The following ITGA11 variants were observed in gnomAD, a reference collection of about 807,000 sequenced individuals.
ITGA11 encodes the protein integrin alpha-11.
A neutral mutation model predicts 141.9 loss-of-function variants in ITGA11; 97 were observed. The ratio of observed to expected loss-of-function variants is 0.68; its 90% confidence interval spans 0.58 to 0.81. ITGA11 has a LOEUF of 0.81. Ranked by LOEUF, ITGA11 falls within the 30% of genes least tolerant of loss-of-function variation. The probability of loss-of-function intolerance (pLI) is 0.00; values close to 1 mark genes in which losing one functional copy is unlikely to be tolerated. For synonymous variants in ITGA11, 658 were observed against 624.6 expected (o/e 1.05, Z -0.80); for missense variants, 1,387 against 1,559.2 (o/e 0.89, Z 1.86).
In ITGA11 at chr15:68,325,958, A is replaced by G. The variant is rs1893960435; in HGVS notation, c.2211+696T>C. On this transcript the variant is annotated intron_variant, in intron 17 of 29. Transcript: ENST00000315757. The surrounding 1 kb of genome is among the most constrained non-coding windows in gnomAD (Gnocchi z 5.5). Reference sequence around the variant, plus strand: ...CCCAGCCCCAGCCCCAGAGTTTCTGAGTCAGAACAAGTGAATTTCCAAGTT... The same window carrying G: ...CCCAGCCCCAGCCCCAGAGTTTCTGGGTCAGAACAAGTGAATTTCCAAGTT... 6.6e-6 allele frequency among the ~76,000 whole-genome samples: 1 copy of G among 152,190 alleles called. No individual in the cohort carries two copies. Among genetic ancestry groups the G allele is most frequent in the Non-Finnish European group, 1.5e-5 (1 of 68,010 alleles).
rs559706571 is a variant in ITGA11 at position 68,429,458 on chromosome 15, A to G, written c.52+2557T>C. ...CAATGGATCTCTCTCTTTGGACTTG[A>G]TTACTTTTTTTTTAGGCTTTCCTGT... On this transcript the variant is annotated intron_variant, in intron 1 of 29. Transcript: ENST00000315757. Among the ~76,000 whole-genome samples the G allele has an allele frequency of 1.2e-4, 19 of 152,180 alleles. No individual in the cohort carries two copies. In the South Asian group the frequency reaches 3.3e-3, roughly 27 times the overall value.
At chr15:68,331,228 GCTTCCC>G in intron 14 of ITGA11, 117 bp from the exon 15 acceptor site, 1 of 933,206 alleles carries the variant, frequency 1.1e-6, no homozygotes, top group Non-Finnish European at 1.6e-6. Context: ...CCACCAAGAA[GCTTCCC>G]CAACCCAAAG....
In ITGA11 at chr15:68,308,010, A is replaced by C. The variant is rs4777033; in HGVS notation, c.3175-314T>G. 3.3e-5 allele frequency among the ~76,000 whole-genome samples: 5 copies of C among 152,024 alleles called. No individual in the cohort carries two copies. The highest frequency in any genetic ancestry group is 3.3e-4 in the Admixed American group (5 of 15,266). ...CCTATCACCATATAAACACATTAAG[A>C]TAAAAAATTCTATGATCGCTGCAAC... On this transcript the variant is annotated intron_variant, in intron 26 of 29. Coordinates refer to ENST00000315757, the MANE Select transcript of ITGA11 (RefSeq NM_001004439.2). This position sits in a 1 kb window ranked among gnomAD's most constrained non-coding sequence, Gnocchi z 5.2.
intron 2 of ITGA11, among the ~76,000 whole-genome samples, chr15:68,376,354 C>T (rs1164076915): frequency 6.6e-6 from 1 of 152,202 alleles, no homozygotes; most frequent in East Asian, 1.9e-4. Flanking sequence ...CACCCCCTCT[C>T]TCACCAACTT....
At chr15:68,357,079 T>A in intron 7 of ITGA11, 72 bp downstream of exon 7, 1 of 1,399,472 alleles carries the variant, frequency 7.1e-7, no homozygotes, top group Non-Finnish European at 9.8e-7. Context: ...TGGTAGTGTG[T>A]TACAAGGCAA....
rs930554327 is a variant in ITGA11 at position 68,308,517 on chromosome 15, G to A, written c.3175-821C>T. On this transcript the variant is annotated intron_variant, in intron 26 of 29. Coordinates refer to ENST00000315757, the MANE Select transcript of ITGA11 (RefSeq NM_001004439.2). This position sits in a 1 kb window ranked among gnomAD's most constrained non-coding sequence, Gnocchi z 5.2. The stretch of plus-strand genomic sequence containing the variant: ...AGCACTTTGGGAGGCCAAGGCAGGC[G>A]GATCACAAGGTCAGGAGATCGAGAC... 9.9e-5 allele frequency among the ~76,000 whole-genome samples: 15 copies of A among 152,088 alleles called. No homozygotes were observed. The highest frequency in any genetic ancestry group is 2.9e-4 in the African/African-American group (12 of 41,398).
chr15:68,427,406 C>T (rs2140444910), intron 1 of ITGA11, among the ~76,000 whole-genome samples: 1 of 152,274 alleles, frequency 6.6e-6, no homozygotes, highest in East Asian at 1.9e-4. Context: ...GGCCTGGGGG[C>T]TTATCCCAGA....
intron 20 of ITGA11, among the ~76,000 whole-genome samples, chr15:68,318,808 G>A (rs1406557529): frequency 6.6e-6 from 1 of 152,158 alleles, no homozygotes; most frequent in Non-Finnish European, 1.5e-5. Flanking sequence ...GTCTTGCCTG[G>A]CACACTGGGT....
Position 68,304,873 on chromosome 15 carries a change from TG to T in ITGA11, c.3382-989del, listed in dbSNP as rs1406220331. Among the ~76,000 whole-genome samples, 12 of 152,370 alleles carry T rather than the reference TG, an allele frequency of 7.9e-5. No individual in the cohort carries two copies. The highest frequency in any genetic ancestry group is 2.9e-4 in the African/African-American group (12 of 41,592). On this transcript the variant is annotated intron_variant, in intron 28 of 29. Coordinates refer to ENST00000315757, the MANE Select transcript of ITGA11 (RefSeq NM_001004439.2). The surrounding 1 kb of genome is among the most constrained non-coding windows in gnomAD (Gnocchi z 6.1). ...CATTCTACCTTGGAAACACCTGGAA[TG>T]TGGCCACCACTCCCACCTCCTGGGC...
Position 68,346,713 on chromosome 15 carries a change from G to A in ITGA11, c.1131+2117C>T, listed in dbSNP as rs78693301. ...CTGTTCTCCTGCTTACTGCCACCCA[G>A]GACTGCTGAAATCCGTGTCCTTTAG... On this transcript the variant is annotated intron_variant, in intron 10 of 29. Transcript: ENST00000315757. Among the ~76,000 whole-genome samples the A allele has an allele frequency of 4.8e-4, 73 of 152,270 alleles. 3 individuals carry two copies. In the East Asian group the frequency reaches 0.014, roughly 29 times the overall value.
intron 3 of ITGA11, 108 bp from the exon 4 acceptor site, chr15:68,364,906 C>A: frequency 9.5e-7 from 1 of 1,051,036 alleles, no homozygotes; most frequent in Non-Finnish European, 1.4e-6. Flanking sequence ...CTCCCTGACC[C>A]TGGGGACCTC....
intron 2 of ITGA11, among the ~76,000 whole-genome samples, chr15:68,399,325 T>C (rs1439553379): frequency 6.6e-6 from 1 of 152,022 alleles, no homozygotes; most frequent in Non-Finnish European, 1.5e-5. Flanking sequence ...AGAGTAACAG[T>C]TGTTGGCAAG....
At chr15:68,306,010 C>A (rs1361849019) in intron 28 of ITGA11, among the ~76,000 whole-genome samples, 1 of 145,122 alleles carries the variant, frequency 6.9e-6, no homozygotes, top group Admixed American at 6.8e-5. Context: ...CACAGTGAAA[C>A]CCTGTCTCTA....
chr15:68,380,159 C>G (rs1452204446), intron 2 of ITGA11, among the ~76,000 whole-genome samples: 1 of 152,198 alleles, frequency 6.6e-6, no homozygotes, highest in African/African-American at 2.4e-5. Flanking sequence ...TGAGGCACAA[C>G]TGGTACCCTC....
In ITGA11 at chr15:68,355,047, C is replaced by T. The variant is rs183855571; in HGVS notation, c.749+2104G>A. ...TTCAAACTACCTGGTGAGTCACACA[C>T]GGATAACTGAGCAGGGGTTGGTGGG... is the stretch of plus-strand genomic sequence containing the variant. On this transcript the variant is annotated intron_variant, in intron 7 of 29. Coordinates refer to ENST00000315757, the MANE Select transcript of ITGA11 (RefSeq NM_001004439.2). Among the ~76,000 whole-genome samples, 421 of 152,242 alleles carry T rather than the reference C, an allele frequency of 2.8e-3. 3 individuals are homozygous for T. Among genetic ancestry groups the T allele is most frequent in the Non-Finnish European group, 3.5e-3 (237 of 68,022 alleles).
At chr15:68,341,001 G>A (rs1894550737) in intron 10 of ITGA11, among the ~76,000 whole-genome samples, 3 of 152,184 alleles carry the variant, frequency 2.0e-5, no homozygotes, top group African/African-American at 7.2e-5. Context: ...CTCCCACGGA[G>A]CCTTCCCTGA....
In ITGA11 at chr15:68,302,210, G is replaced by A. The variant is rs1893056482; in HGVS notation, c.*849C>T. 1 of 152,206 alleles carries A rather than the reference G, an allele frequency of 6.6e-6. No homozygotes were observed. Among genetic ancestry groups the A allele is most frequent in the African/African-American group, 2.4e-5 (1 of 41,422 alleles). 9.4% of individuals were successfully genotyped at this position (152,206 alleles called of 1,614,324 possible). On this transcript the variant is annotated 3_prime_UTR_variant, in exon 30 of 30. Coordinates refer to ENST00000315757, the MANE Select transcript of ITGA11 (RefSeq NM_001004439.2). ...GTGCGTCCATGTCTAGGGGCAGGCT[G>A]CAGCAAGAAGACGTGGGAATGCACA...
intron 15 of ITGA11, among the ~76,000 whole-genome samples, chr15:68,329,684 G>A (rs1406149765): frequency 2.6e-5 from 4 of 152,178 alleles, no homozygotes; most frequent in Non-Finnish European, 5.9e-5. Context: ...CATCTGCCAT[G>A]CTTTCTTGGC....
At chr15:68,372,912 A>G (rs932940786) in intron 2 of ITGA11, among the ~76,000 whole-genome samples, 6 of 152,252 alleles carry the variant, frequency 3.9e-5, no homozygotes. Context: ...AAAAGATGAT[A>G]TGTACCCCTA....
Sources: allele counts gnomAD v4.1 joint callset (sites outside exome capture counted in the v4.1 genomes callset), GRCh38; gene constraint gnomAD v4.1.1; non-coding constraint Gnocchi (gnomAD v3.1); transcripts MANE v1.5; gene names NCBI Gene and HGNC (gene_info 2026-07-23, HGNC 2026-07-21).